Variants in ROBO1 observed in about 807,000 individuals in gnomAD.
ROBO1 encodes the protein roundabout homolog 1.
Under a neutral mutation model 195.9 loss-of-function variants are expected in ROBO1, and 149 were observed. That is an observed-to-expected ratio of 0.76 (90% confidence interval 0.67 to 0.87). ROBO1 has a LOEUF of 0.87. Among genes scored for constraint, ROBO1 ranks in the 40% least tolerant of loss-of-function variants. ROBO1 has a pLI of 0.00. For missense variants in ROBO1, 1,933 were observed against 2,068.3 expected, an observed-to-expected ratio of 0.93 and a Z score of 1.27; for synonymous variants, 816 against 733.2, an observed-to-expected ratio of 1.11 and a Z score of -1.82.
intron 1 of ROBO1, among the ~76,000 whole-genome samples, chr3:79,658,161 A>G (rs567834912): frequency 5.3e-5 from 8 of 152,254 alleles, no homozygotes; most frequent in African/African-American, 1.9e-4. Context: ...TGTTTAGTTC[A>G]TATTTGACAG....
At chr3:79,501,120 A>G (rs1483016448) in intron 2 of ROBO1, among the ~76,000 whole-genome samples, 2 of 152,018 alleles carry the variant, frequency 1.3e-5, no homozygotes, top group African/African-American at 4.8e-5. Flanking sequence ...TGTTTTTTAT[A>G]AGTCATTTTT....
chr3:79,635,467 T>G (rs933706578), intron 1 of ROBO1, among the ~76,000 whole-genome samples: 2 of 152,206 alleles, frequency 1.3e-5, no homozygotes, highest in African/African-American at 4.8e-5. Flanking sequence ...TTTTTCATTT[T>G]TAGATGGCAA....
At chr3:78,802,707 GCATCATCATCATCATCAT>G (rs58983750) in intron 4 of ROBO1, among the ~76,000 whole-genome samples, 12 of 149,754 alleles carry the variant, frequency 8.0e-5, no homozygotes, top group East Asian at 2.0e-4. Flanking sequence ...CTGCGGTCTA[GCATCATCATCATCATCAT>G]CATCATCATC....
intron 1 of ROBO1, among the ~76,000 whole-genome samples, chr3:79,639,966 ATTT>A (rs996784178): frequency 6.6e-6 from 1 of 152,068 alleles, no homozygotes; most frequent in Non-Finnish European, 1.5e-5. Context: ...GTTAAAATAG[ATTT>A]TTTTCTTTTA....
chr3:79,551,775 A>G (rs1256704445), intron 2 of ROBO1, among the ~76,000 whole-genome samples: 1 of 151,950 alleles, frequency 6.6e-6, no homozygotes, highest in Admixed American at 6.6e-5. Context: ...ATTTTATGTG[A>G]ACAGGGAGAA....
intron 1 of ROBO1, among the ~76,000 whole-genome samples, chr3:79,732,801 T>C (rs1703208420): frequency 6.6e-6 from 1 of 152,190 alleles, no homozygotes; most frequent in Non-Finnish European, 1.5e-5. Context: ...ATGTTCCTAA[T>C]GACCTTATCC....
chr3:78,964,111 T>G (rs962539914), intron 3 of ROBO1, among the ~76,000 whole-genome samples: 1 of 152,132 alleles, frequency 6.6e-6, no homozygotes, highest in Admixed American at 6.5e-5. Flanking sequence ...TCACCTATCC[T>G]GATCCCTGTC....
intron 2 of ROBO1, among the ~76,000 whole-genome samples, chr3:79,456,405 G>A (rs1305543359): frequency 6.6e-6 from 1 of 152,074 alleles, no homozygotes; most frequent in Non-Finnish European, 1.5e-5. Flanking sequence ...AATACAAAGT[G>A]TATCAAATAA....
chr3:79,126,150 T>G lies in ROBO1; in HGVS notation c.89-611A>C, dbSNP rs17016760. On this transcript the variant is annotated intron_variant, in intron 2 of 30. Transcript: ENST00000464233. Reference sequence around the variant, plus strand: ...GCAACAATCTCTCATCTTAAAGGACTGATATAAATTTACTGCAATGAATGC... The same window carrying G: ...GCAACAATCTCTCATCTTAAAGGACGGATATAAATTTACTGCAATGAATGC... 4.5e-3 allele frequency among the ~76,000 whole-genome samples: 681 copies of G among 152,292 alleles called. 20 individuals carry two copies. Among genetic ancestry groups the G allele is most frequent in the Admixed American group, 0.041 (634 of 15,282 alleles).
chr3:78,806,360 G>C (rs1171909861), intron 4 of ROBO1, among the ~76,000 whole-genome samples: 1 of 152,186 alleles, frequency 6.6e-6, no homozygotes, highest in African/African-American at 2.4e-5. Flanking sequence ...ACCAGTGTCA[G>C]TGAAGGTTCT....
At chr3:78,638,449 GATT>G (rs769224974) in intron 22 of ROBO1, among the ~76,000 whole-genome samples, 7 of 151,256 alleles carry the variant, frequency 4.6e-5, no homozygotes, top group Non-Finnish European at 1.0e-4. Flanking sequence ...TACTGTTGTA[GATT>G]ATTATTATTT....
rs190613265 is a variant in ROBO1, at chr3:79,395,894, A to G, written c.88+193930T>C. Among the ~76,000 whole-genome samples the G allele has an allele frequency of 1.4e-4, 21 of 152,182 alleles. No homozygotes were observed. The East Asian group carries it at 4.0e-3, about 29-fold the overall frequency. On this transcript the variant is annotated intron_variant, in intron 2 of 30. Coordinates refer to ENST00000464233, the MANE Select transcript of ROBO1 (RefSeq NM_002941.4). ...TATAAATATATTATGATTAACATAT[A>G]AAGCTGAAGTCTACACATGACTTTG...
At chr3:79,419,319 T>G (rs567009222) in intron 2 of ROBO1, among the ~76,000 whole-genome samples, 1 of 152,244 alleles carries the variant, frequency 6.6e-6, no homozygotes, top group African/African-American at 2.4e-5. Context: ...GCCCCTCTTA[T>G]ACACTGGAGT....
At chr3:78,955,198 AT>A (rs2040984791) in intron 3 of ROBO1, among the ~76,000 whole-genome samples, 1 of 134,180 alleles carries the variant, frequency 7.5e-6, no homozygotes, top group African/African-American at 2.9e-5. Flanking sequence ...TCATGGGGTT[AT>A]ATAGGTAAAC....
chr3:78,754,367 G>C (rs746255310), intron 4 of ROBO1, among the ~76,000 whole-genome samples: 5 of 152,122 alleles, frequency 3.3e-5, no homozygotes, highest in Non-Finnish European at 7.4e-5. Flanking sequence ...ACAAAATGAG[G>C]ATATCTGAGC....
At chr3:79,765,282 A>G (rs1704922269) in intron 1 of ROBO1, among the ~76,000 whole-genome samples, 1 of 152,208 alleles carries the variant, frequency 6.6e-6, no homozygotes, top group African/African-American at 2.4e-5. Context: ...CTCCTTAGAT[A>G]TCCTAATTTT....
intron 2 of ROBO1, among the ~76,000 whole-genome samples, chr3:79,219,400 T>C (rs1239893389): frequency 6.6e-6 from 1 of 152,006 alleles, no homozygotes; most frequent in East Asian, 1.9e-4. Context: ...TTAATGGACA[T>C]GTTAGCTTGT....
chr3:78,811,158 A>T (rs1411865134), intron 4 of ROBO1, among the ~76,000 whole-genome samples: 2 of 152,178 alleles, frequency 1.3e-5, no homozygotes, highest in African/African-American at 4.8e-5. Context: ...CCTTAATGGG[A>T]TTCAAATGGA....
chr3:79,245,024 T>C (rs2082598869), intron 2 of ROBO1, among the ~76,000 whole-genome samples: 2 of 152,114 alleles, frequency 1.3e-5, no homozygotes, highest in African/African-American at 2.4e-5. Flanking sequence ...CCACACATGA[T>C]TAAAATGTCT....
Sources: gnomAD v4.1 joint callset for allele counts (sites outside exome capture counted in the v4.1 genomes callset) on GRCh38, gnomAD v4.1.1 for gene constraint, MANE v1.5 for transcripts, NCBI Gene and HGNC (gene_info 2026-07-23, HGNC 2026-07-21) for gene names.